The following MCC variants were observed in gnomAD, a reference collection of about 807,000 sequenced individuals.
MCC encodes MCC regulator of Wnt signaling pathway, also known as colorectal mutant cancer protein.
Under a neutral mutation model 116.2 loss-of-function variants are expected in MCC, and 90 were observed. That is an observed-to-expected ratio of 0.77 (90% CI 0.65 to 0.92). The LOEUF is 0.92. Among genes scored for constraint, MCC ranks in the 40% least tolerant of loss-of-function variants. The pLI is 0.00. For missense variants in MCC, 1,516 were observed against 1,312.2 expected (o/e 1.16, Z -2.40); for synonymous variants, 578 against 510.5 (o/e 1.13, Z -1.78).
At chr5:113,248,617 C>T (rs937561649) in intron 3 of MCC, among the ~76,000 whole-genome samples, 13 of 152,042 alleles carry the variant, frequency 8.6e-5, no homozygotes, top group Admixed American at 8.5e-4. Context: ...GTTGAAACCC[C>T]GGTTGACCCT....
rs1229213218 is a variant in MCC, at chr5:113,220,057, C to CT, written c.628-68636dup. On this transcript the variant is annotated intron_variant, in intron 3 of 18. Coordinates refer to ENST00000408903, the MANE Select transcript of MCC (RefSeq NM_001085377.2). ...AACTTTGGAATCTGCATGTCAATTTCTTTTTCTTTTTTTTTTTTGAGACGG... is the reference window on the plus strand; with the variant it reads ...AACTTTGGAATCTGCATGTCAATTTCTTTTTTCTTTTTTTTTTTTGAGACGG... Among the ~76,000 whole-genome samples, 159 of 79,608 alleles carry CT rather than the reference C, an allele frequency of 2.0e-3. 33 individuals carry two copies. Among genetic ancestry groups the CT allele is most frequent in the Non-Finnish European group, 4.8e-3 (137 of 28,688 alleles). The allele number at this position is 79,608 out of a possible 152,430, so 52.2% of individuals were successfully genotyped here. A position where few individuals can be genotyped will look rare whatever the true frequency, so the allele number is the denominator to read the frequency against.
Position 113,053,880 on chromosome 5 carries a change from G to A in MCC, c.2293C>T (p.Gln765Ter). ...ACCGCAGCCCTGTCATTCTTGAGCT[G>A]CTGGATATAATCCTTCAGCCTCTGC... ...DEQRLKDYIQ[Q>*]LKNDRAAVKL... is the part of the protein sequence containing the mutation. Residue 765 changes from glutamine (Q) to a stop codon, truncating the protein, a stop_gained, in exon 15 of 19, where the codon CAG (glutamine) becomes TAG (stop). Coordinates refer to ENST00000408903, the MANE Select transcript of MCC (RefSeq NM_001085377.2). LOFTEE classifies it high-confidence loss of function. 3 of 1,614,116 alleles carry A rather than the reference G, an allele frequency of 1.9e-6. No homozygotes were observed. Among genetic ancestry groups the A allele is most frequent in the Non-Finnish European group, 2.5e-6 (3 of 1,180,034 alleles).
At chr5:113,393,588 A>T (rs1279153104) in intron 1 of MCC, among the ~76,000 whole-genome samples, 1 of 152,192 alleles carries the variant, frequency 6.6e-6, no homozygotes, top group East Asian at 1.9e-4. Flanking sequence ...TTTTCTCAAC[A>T]TCCTTCGAGA....
At chr5:113,204,943 C>A (rs766092472) in intron 3 of MCC, among the ~76,000 whole-genome samples, 2 of 152,192 alleles carry the variant, frequency 1.3e-5, no homozygotes, top group Non-Finnish European at 2.9e-5. Flanking sequence ...TGGAACCCTG[C>A]AGTAACTCCC....
chr5:113,073,123 G>A (rs1006629323), intron 11 of MCC, among the ~76,000 whole-genome samples: 1 of 150,408 alleles, frequency 6.6e-6, no homozygotes, highest in Non-Finnish European at 1.5e-5. Context: ...TTGTGTTAGT[G>A]TATTTTATGT....
intron 3 of MCC, among the ~76,000 whole-genome samples, chr5:113,206,065 T>C (rs1762899420): frequency 6.6e-6 from 1 of 152,200 alleles, no homozygotes; most frequent in Admixed American, 6.5e-5. Flanking sequence ...GACAACTCAA[T>C]CCTGCAGGAC....
intron 2 of MCC, among the ~76,000 whole-genome samples, chr5:113,367,306 G>A (rs1276465934): frequency 1.3e-5 from 2 of 150,578 alleles, no homozygotes; most frequent in Non-Finnish European, 3.0e-5. Flanking sequence ...ATTTTCATTT[G>A]TTTAGTTTTC....
intron 3 of MCC, among the ~76,000 whole-genome samples, chr5:113,213,364 C>T (rs1190064979): frequency 6.6e-6 from 1 of 152,148 alleles, no homozygotes; most frequent in Non-Finnish European, 1.5e-5. Context: ...GCCATGCAGG[C>T]TTGGAAGGGG....
intron 17 of MCC, among the ~76,000 whole-genome samples, chr5:113,039,717 C>G (rs376310738): frequency 1.4e-5 from 2 of 141,120 alleles, no homozygotes; most frequent in African/African-American, 2.6e-5. Flanking sequence ...CCGCGCCCCC[C>G]CCCCCAACCC....
intron 3 of MCC, among the ~76,000 whole-genome samples, chr5:113,266,760 A>G (rs1424627645): frequency 6.6e-6 from 1 of 152,124 alleles, no homozygotes; most frequent in Non-Finnish European, 1.5e-5. Flanking sequence ...GATCTTCAAC[A>G]TCCCAGCAAG....
At chr5:113,049,334 G>A in intron 15 of MCC, 35 bp from the exon 16 acceptor site, 1 of 1,512,972 alleles carries the variant, frequency 6.6e-7, no homozygotes, top group Non-Finnish European at 8.9e-7. Flanking sequence ...CATGAGGCAT[G>A]CCCTATCTGA....
chr5:113,373,883 G>A (rs1321393240), intron 2 of MCC, among the ~76,000 whole-genome samples: 1 of 151,080 alleles, frequency 6.6e-6, no homozygotes, highest in African/African-American at 2.4e-5. Context: ...ATGCTAAGTT[G>A]AGAAGCTGAG....
chr5:113,197,156 G>GC (rs1416971580), intron 3 of MCC, among the ~76,000 whole-genome samples: 1 of 152,152 alleles, frequency 6.6e-6, no homozygotes, highest in Non-Finnish European at 1.5e-5. Context: ...ACTGTCACGG[G>GC]CTTCTTTCTT....
At chr5:113,275,220 ACT>A (rs1206408054) in intron 3 of MCC, among the ~76,000 whole-genome samples, 2 of 152,110 alleles carry the variant, frequency 1.3e-5, no homozygotes, top group Non-Finnish European at 2.9e-5. Flanking sequence ...AAAAATAGTA[ACT>A]CTGACTCTAA....
intron 6 of MCC, 200 bp from the exon 7 acceptor site, chr5:113,104,555 A>G (rs1561814470): frequency 6.9e-6 from 3 of 432,414 alleles, no homozygotes; most frequent in Non-Finnish European, 1.2e-5. Flanking sequence ...AGAGTTTCAG[A>G]TGATGGTCAT....
chr5:113,132,732 GCTAA>G (rs1758538474), intron 5 of MCC, among the ~76,000 whole-genome samples: 1 of 152,132 alleles, frequency 6.6e-6, no homozygotes, highest in Non-Finnish European at 1.5e-5. Flanking sequence ...GTTCTAATCT[GCTAA>G]CTTTTACCAC....
intron 17 of MCC, 132 bp from the exon 18 acceptor site, chr5:113,029,188 C>T (rs1389481692): frequency 1.0e-5 from 8 of 765,128 alleles, no homozygotes; most frequent in African/African-American, 7.1e-5. Context: ...AGAAAAGATA[C>T]TAAAGGGCCC....
At chr5:113,275,650 G>C (rs549665436) in intron 3 of MCC, among the ~76,000 whole-genome samples, 1 of 152,028 alleles carries the variant, frequency 6.6e-6, no homozygotes, top group South Asian at 2.1e-4. Context: ...AAAAATTTCA[G>C]GAAAAATAAG....
chr5:113,368,449 A>G (rs1246936358), intron 2 of MCC, among the ~76,000 whole-genome samples: 4 of 152,124 alleles, frequency 2.6e-5, no homozygotes, highest in East Asian at 1.9e-4. Context: ...TAGAATGCCT[A>G]TTATCTGAAC....
Sources: gnomAD v4.1 joint callset for allele counts (sites outside exome capture counted in the v4.1 genomes callset) on GRCh38, gnomAD v4.1.1 for gene constraint, MANE v1.5 for transcripts, NCBI Gene and HGNC (gene_info 2026-07-23, HGNC 2026-07-21) for gene names.